Variants in SPTAN1 observed in about 807,000 individuals in gnomAD.
SPTAN1 encodes the protein spectrin alpha chain, non-erythrocytic 1.
Under a neutral mutation model 331.3 loss-of-function variants are expected in SPTAN1, and 61 were observed. The ratio of observed to expected loss-of-function variants is 0.18; its 90% CI spans 0.15 to 0.23. The LOEUF (loss-of-function observed/expected upper bound fraction) is 0.23. Ranked by LOEUF, SPTAN1 falls within the 10% of genes least tolerant of loss-of-function variation. The pLI is 1.00. For synonymous variants in SPTAN1, 1,153 were observed against 1,173.9 expected (o/e 0.98, Z 0.36); for missense variants, 2,043 against 3,147.9 (o/e 0.65, Z 8.40).
chr9:128,599,987 C>G (rs1589276850), intron 26 of SPTAN1, 93 bp from the exon 27 acceptor site: 2 of 1,341,012 alleles, frequency 1.5e-6, no homozygotes, highest in East Asian at 4.6e-5. Context: ...TGGGATCTCC[C>G]CTGGGGGAAA....
intron 1 of SPTAN1, among the ~76,000 whole-genome samples, chr9:128,560,012 G>A (rs945888272): frequency 1.3e-5 from 2 of 151,866 alleles, no homozygotes; most frequent in Non-Finnish European, 2.9e-5. Context: ...TGGGATTACA[G>A]GTGTGAGCCA....
In SPTAN1 at chr9:128,573,392, C is replaced by A. The variant is rs1349874898; in HGVS notation, c.364-1283C>A. Among the ~76,000 whole-genome samples the A allele has an allele frequency of 2.0e-5, 3 of 152,306 alleles. No individual in the cohort carries two copies. In the South Asian group the frequency reaches 6.2e-4, roughly 32 times the overall value. ...CACAAACTGTCTTTTCACAGAAGGT[C>A]CAAAGTTTTTTCTATCAGGGATCCT... On this transcript the variant is annotated intron_variant, in intron 3 of 56. Coordinates refer to ENST00000372739, the MANE Select transcript of SPTAN1 (RefSeq NM_001130438.3).
Position 128,577,064 on chromosome 9 carries a change from A to G in SPTAN1, c.786-65A>G, listed in dbSNP as rs1851391304. The G allele has an allele frequency of 1.9e-6, 3 of 1,613,978 alleles. No homozygotes were observed. The highest frequency in any genetic ancestry group is 1.3e-5 in the African/African-American group (1 of 75,042). On this transcript the variant is annotated intron_variant, in intron 6 of 56. Coordinates refer to ENST00000372739, the MANE Select transcript of SPTAN1 (RefSeq NM_001130438.3). The surrounding 1 kb of genome is among the most constrained non-coding windows in gnomAD (Gnocchi z 4.2). ...TCGAGGCTGACTAGGCCTTGGTCCC[A>G]TGGGGTGTTCCTAGTTCTAGGGAGT... is the stretch of plus-strand genomic sequence containing the variant.
At chr9:128,587,110 C>T (rs535286853) in intron 19 of SPTAN1, among the ~76,000 whole-genome samples, 11 of 148,718 alleles carry the variant, frequency 7.4e-5, no homozygotes, top group South Asian at 4.3e-4. Flanking sequence ...CGTGAGGCAC[C>T]GCGCTCGTTC....
chr9:128,576,505 AT>A, intron 5 of SPTAN1, among the ~76,000 whole-genome samples: 1 of 152,232 alleles, frequency 6.6e-6, no homozygotes, highest in East Asian at 1.9e-4. Flanking sequence ...GTTAGGGTAG[AT>A]GAGTACATTG....
intron 8 of SPTAN1, 97 bp from the exon 9 acceptor site, chr9:128,578,013 A>T: frequency 7.5e-7 from 1 of 1,338,210 alleles, no homozygotes; most frequent in Non-Finnish European, 1.1e-6. Flanking sequence ...ATAGTTTGTT[A>T]GACATTTGAG....
rs373033857 is a variant in SPTAN1 at position 128,608,014 on chromosome 9, C to T, written c.4309C>T (p.Arg1437Cys). Residue 1437 changes from arginine (R) to cysteine (C), a missense_variant, in exon 33 of 57, where the codon CGC becomes TGC. Around this residue, in one of 12 missense-constraint regions of SPTAN1, gnomAD observed 179 missense variants for 215.7 expected, o/e 0.83. Transcript: ENST00000372739. ...RADLEKAWVQ[R>C]RMMLDQCLEL... ...AGACCTGGAGAAGGCCTGGGTTCAG[C>T]GCAGGATGATGCTGGATCAGTGCCT... The T allele has an allele frequency of 1.7e-5, 28 of 1,613,956 alleles. No homozygotes were observed. The highest frequency in any genetic ancestry group is 6.7e-5 in the African/African-American group (5 of 74,898).
Position 128,627,356 on chromosome 9 carries a change from G to GCA in SPTAN1, c.6577-27_6577-26dup. On this transcript the variant is annotated intron_variant, in intron 49 of 56. Coordinates refer to ENST00000372739, the MANE Select transcript of SPTAN1 (RefSeq NM_001130438.3). This position sits in a 1 kb window ranked among gnomAD's most constrained non-coding sequence, Gnocchi z 4.9. ...GGGCTGGTGTCACTGCCACAGCAGCGCACAGCATCTGCCCCCCTTTGGCCC... is the reference window on the plus strand; with the variant it reads ...GGGCTGGTGTCACTGCCACAGCAGCGCACACAGCATCTGCCCCCCTTTGGCCC... 1 of 1,535,210 alleles carries GCA rather than the reference G, an allele frequency of 6.5e-7. No individual in the cohort carries two copies. The highest frequency in any genetic ancestry group is 1.2e-5 in the South Asian group (1 of 83,726).
chr9:128,627,013 A>G lies in SPTAN1; in HGVS notation c.6576+326A>G, dbSNP rs766617537. 2.7e-5 allele frequency: 15 copies of G among 546,924 alleles called. No homozygotes were observed. The highest frequency in any genetic ancestry group is 1.5e-4 in the South Asian group (10 of 65,152). 33.9% of individuals were successfully genotyped at this position (546,924 alleles called of 1,614,324 possible). A position where few individuals can be genotyped will look rare whatever the true frequency, so the allele number is the denominator to read the frequency against. ...TAATTTTTGTAGACAGGGTGTTGCTATGTTGCCCAGGCTGGTCTTCAACTC... is the reference window on the plus strand; with the variant it reads ...TAATTTTTGTAGACAGGGTGTTGCTGTGTTGCCCAGGCTGGTCTTCAACTC... On this transcript the variant is annotated intron_variant, in intron 49 of 56. Transcript: ENST00000372739. This position sits in a 1 kb window ranked among gnomAD's most constrained non-coding sequence, Gnocchi z 4.9.
Position 128,574,852 on chromosome 9 carries a change from CAAAGA to C in SPTAN1, c.504+42_504+46del, listed in dbSNP as rs1229857100. On this transcript the variant is annotated intron_variant, in intron 4 of 56. Transcript: ENST00000372739. ...GAAGAAGGGTTTGCTAAGCTTTACT[CAAAGA>C]AAAGGGAAGAGACTCCTCTGTGATC... 5.0e-6 allele frequency: 8 copies of C among 1,613,520 alleles called. No individual in the cohort carries two copies. The African/African-American group carries it at 1.1e-4, about 22-fold the overall frequency.
Position 128,627,382 on chromosome 9 carries a change from T to G in SPTAN1, c.6577-4T>G. 1.3e-6 allele frequency: 2 copies of G among 1,551,006 alleles called. No homozygotes were observed. Among genetic ancestry groups the G allele is most frequent in the Non-Finnish European group, 1.7e-6 (2 of 1,146,852 alleles). On this transcript the variant is annotated splice_region_variant and splice_polypyrimidine_tract_variant and intron_variant, in intron 49 of 56. Transcript: ENST00000372739. The surrounding 1 kb of genome is among the most constrained non-coding windows in gnomAD (Gnocchi z 4.9). The stretch of plus-strand genomic sequence containing the variant: ...CACAGCATCTGCCCCCCTTTGGCCC[T>G]CAGGAGAGGGAGCTGGAGCTGCAGA...
At chr9:128,590,049 G>A (rs1289112877) in intron 21 of SPTAN1, among the ~76,000 whole-genome samples, 1 of 152,194 alleles carries the variant, frequency 6.6e-6, no homozygotes, top group Non-Finnish European at 1.5e-5. Context: ...TGACAGTGGT[G>A]TTGAAGCATG....
At position 128,600,125 on chromosome 9, in the gene SPTAN1, C is replaced by T. The variant is rs1417674497; in HGVS notation, c.3579+10C>T. The T allele has an allele frequency of 2.5e-6, 4 of 1,613,878 alleles. No individual in the cohort carries two copies. Among genetic ancestry groups the T allele is most frequent in the Non-Finnish European group, 3.4e-6 (4 of 1,179,878 alleles). Reference sequence around the variant, plus strand: ...AGCCTCCCCGTGGAAGGTAAGAACTCCTTTGCAAATTATTGTTTTCAAGAG... The same window carrying T: ...AGCCTCCCCGTGGAAGGTAAGAACTTCTTTGCAAATTATTGTTTTCAAGAG... On this transcript the variant is annotated intron_variant, in intron 27 of 56. Coordinates refer to ENST00000372739, the MANE Select transcript of SPTAN1 (RefSeq NM_001130438.3).
rs1265617290 is a variant in SPTAN1 at position 128,632,934 on chromosome 9, G to T, written c.7287G>T (p.Val2429=). The change falls in exon 56 of 57, where the codon GTG becomes GTT. Residue 2429 remains valine, a synonymous_variant. Coordinates refer to ENST00000372739, the MANE Select transcript of SPTAN1 (RefSeq NM_001130438.3). ...TCAGCTCAGAGGGAAAGCCTTACGT[G>T]ACCAAGGAGGAGCTCTACCAGGTAT... is the stretch of plus-strand genomic sequence containing the variant. The part of the protein sequence containing the change: ...RALSSEGKPY[V]TKEELYQNLT... 24 of 1,612,834 alleles carry T rather than the reference G, an allele frequency of 1.5e-5. No individual in the cohort carries two copies. Among genetic ancestry groups the T allele is most frequent in the Non-Finnish European group, 2.0e-5 (24 of 1,180,044 alleles).
rs1416049292 is a variant in SPTAN1, at chr9:128,583,799, C to T, written c.2023C>T (p.Arg675Cys). 6 of 1,614,166 alleles carry T rather than the reference C, an allele frequency of 3.7e-6. No homozygotes were observed. The highest frequency in any genetic ancestry group is 2.2e-5 in the South Asian group (2 of 91,076). The part of the protein sequence containing the change: ...EATELKGIKL[R>C]EANQQQQFNR... The stretch of plus-strand genomic sequence containing the variant: ...GTTTTCTTCCATAGGAATAAAGCTT[C>T]GTGAAGCCAACCAGCAACAGCAATT... The change falls in exon 16 of 57, where the codon CGT (arginine) becomes TGT (cysteine). Residue 675 changes from arginine to cysteine, a missense_variant. Transcript: ENST00000372739.
chr9:128,558,783 C>T (rs1011737028), intron 1 of SPTAN1, among the ~76,000 whole-genome samples: 9 of 152,162 alleles, frequency 5.9e-5, no homozygotes, highest in East Asian at 1.9e-4. Context: ...GAATGTGGCA[C>T]GCCCAGGCCG....
At position 128,561,662 on chromosome 9, in the gene SPTAN1, C is replaced by CAAAAAAAAGAAAA. The variant is rs1849372573; in HGVS notation, c.-3-5068_-3-5067insGAAAAAAAAAAAA. ...TGGGCAACAGAGCGAGACTCCGTCT[C>CAAAAAAAAGAAAA]AAAAAAAAAAAAAAAAAAAAAAAAA... On this transcript the variant is annotated intron_variant, in intron 1 of 56. Coordinates refer to ENST00000372739, the MANE Select transcript of SPTAN1 (RefSeq NM_001130438.3). 1.9e-4 allele frequency among the ~76,000 whole-genome samples: 3 copies of CAAAAAAAAGAAAA among 15,986 alleles called. 1 individual carries two copies. The Admixed American group carries it at 4.2e-3, about 23-fold the overall frequency. 10.5% of individuals were successfully genotyped at this position (15,986 alleles called of 152,430 possible). A position where few individuals can be genotyped will look rare whatever the true frequency, so the allele number is the denominator to read the frequency against.
chr9:128,617,930 G>A lies in SPTAN1; in HGVS notation c.5479-57G>A, dbSNP rs777559634. 38 of 1,613,660 alleles carry A rather than the reference G, an allele frequency of 2.4e-5. 1 individual carries two copies. Among genetic ancestry groups the A allele is most frequent in the Admixed American group, 8.3e-5 (5 of 59,998 alleles). ...GTTGAGGCCTTTTCCTGGGAGCTTC[G>A]AGACAGAAGCACCAGAAGAGCTACC... On this transcript the variant is annotated intron_variant, in intron 42 of 56. Transcript: ENST00000372739.
rs1851393263 is a variant in SPTAN1 at position 128,577,077 on chromosome 9, A to G, written c.786-52A>G. On this transcript the variant is annotated intron_variant, in intron 6 of 56. Transcript: ENST00000372739. The surrounding 1 kb of genome is among the most constrained non-coding windows in gnomAD (Gnocchi z 4.2). The stretch of plus-strand genomic sequence containing the variant: ...GGCCTTGGTCCCATGGGGTGTTCCT[A>G]GTTCTAGGGAGTCATCATTGCTGTG... 6.2e-7 allele frequency: 1 copy of G among 1,613,870 alleles called. No individual in the cohort carries two copies. Among genetic ancestry groups the G allele is most frequent in the South Asian group, 1.1e-5 (1 of 91,060 alleles).
Sources: allele counts gnomAD v4.1 joint callset (sites outside exome capture counted in the v4.1 genomes callset), GRCh38; gene constraint gnomAD v4.1.1; regional missense constraint gnomAD v4.1.1; non-coding constraint Gnocchi (gnomAD v3.1); transcripts MANE v1.5; gene names NCBI Gene and HGNC (gene_info 2026-07-23, HGNC 2026-07-21).